Variants in ARMC9 observed in about 807,000 individuals in gnomAD.
The protein encoded by ARMC9 is armadillo repeat containing 9.
A neutral mutation model predicts 107.0 loss-of-function variants in ARMC9; 94 were observed. The ratio of observed to expected loss-of-function variants is 0.88; its 90% CI spans 0.74 to 1.04. The LOEUF (loss-of-function observed/expected upper bound fraction) is 1.04, where lower values mean the gene tolerates loss of function less well. ARMC9 is among the 50% of genes least tolerant of loss of function. The pLI is 0.00. For missense variants in ARMC9, 942 were observed against 1,030.1 expected, an observed-to-expected ratio of 0.91 and a Z score of 1.17; for synonymous variants, 380 against 396.9, an observed-to-expected ratio of 0.96 and a Z score of 0.51.
chr2:231,345,284 AAGG>A (rs1293188570), intron 21 of ARMC9, 194 bp downstream of exon 21: 1 of 1,068,752 alleles, frequency 9.4e-7, no homozygotes, highest in Non-Finnish European at 1.3e-6. Context: ...TTTATTCCAG[AAGG>A]AGAAGTGGTT....
intron 10 of ARMC9, among the ~76,000 whole-genome samples, chr2:231,258,472 C>T (rs989971650): frequency 1.3e-5 from 2 of 152,100 alleles, no homozygotes; most frequent in African/African-American, 2.4e-5. Flanking sequence ...TGAGCCACCA[C>T]GCCCGGCCCC....
chr2:231,291,462 T>A lies in ARMC9; in HGVS notation c.1717+19T>A, dbSNP rs1341310349. On this transcript the variant is annotated intron_variant, in intron 18 of 24. Coordinates refer to ENST00000611582, the MANE Select transcript of ARMC9 (RefSeq NM_001352754.2). Reference sequence around the variant, plus strand: ...AATTCCGGTCAGTTTGATGCAAGAATCTTTGATCTATCTTTTGAATTATTC... The same window carrying A: ...AATTCCGGTCAGTTTGATGCAAGAAACTTTGATCTATCTTTTGAATTATTC... 2 of 1,602,100 alleles carry A rather than the reference T, an allele frequency of 1.2e-6. No homozygotes were observed. The highest frequency in any genetic ancestry group is 1.7e-6 in the Non-Finnish European group (2 of 1,170,650).
chr2:231,367,851 C>T (rs373636974), intron 23 of ARMC9, among the ~76,000 whole-genome samples: 6 of 151,502 alleles, frequency 4.0e-5, no homozygotes, highest in African/African-American at 1.2e-4. Context: ...GGCGTGGTGG[C>T]GGGCGCCTGT....
At chr2:231,253,360 C>T (rs928597437) in intron 9 of ARMC9, among the ~76,000 whole-genome samples, 4 of 152,216 alleles carry the variant, frequency 2.6e-5, no homozygotes, top group South Asian at 4.1e-4. Flanking sequence ...AGTGATTTGC[C>T]TGCCTCGGCC....
At chr2:231,258,088 C>G (rs1213117204) in intron 10 of ARMC9, among the ~76,000 whole-genome samples, 1 of 152,146 alleles carries the variant, frequency 6.6e-6, no homozygotes, top group Non-Finnish European at 1.5e-5. Context: ...GCAAATTGTC[C>G]TACAACCCAT....
intron 1 of ARMC9, among the ~76,000 whole-genome samples, chr2:231,200,953 G>C (rs376752605): frequency 7.2e-5 from 11 of 152,130 alleles, no homozygotes; most frequent in African/African-American, 2.2e-4. Flanking sequence ...ATGTTTGCCT[G>C]GGGGGGCAGA....
chr2:231,276,737 C>T lies in ARMC9; in HGVS notation c.1436C>T (p.Ser479Leu), dbSNP rs1021689033. 2.2e-5 allele frequency: 36 copies of T among 1,614,044 alleles called. No homozygotes were observed. The highest frequency in any genetic ancestry group is 1.6e-4 in the Middle Eastern group (1 of 6,080). The change falls in exon 15 of 25, where the codon TCG becomes TTG. Residue 479 changes from serine to leucine, a missense_variant. Coordinates refer to ENST00000611582, the MANE Select transcript of ARMC9 (RefSeq NM_001352754.2). Reference protein sequence around the residue: ...DCLSDYTLEYSVALLMNLCLR... With the variant: ...DCLSDYTLEYLVALLMNLCLR... ...CTGTCTGACTACACGCTGGAGTACTCGGTGGCTTTGCTCATGAACCTCTGC... is the reference window on the plus strand; with the variant it reads ...CTGTCTGACTACACGCTGGAGTACTTGGTGGCTTTGCTCATGAACCTCTGC...
At chr2:231,224,705 G>A (rs1017682022) in intron 6 of ARMC9, among the ~76,000 whole-genome samples, 1 of 152,148 alleles carries the variant, frequency 6.6e-6, no homozygotes, top group Non-Finnish European at 1.5e-5. Flanking sequence ...GAAAATACTT[G>A]TAGTTCAGTT....
intron 19 of ARMC9, among the ~76,000 whole-genome samples, chr2:231,319,637 G>A (rs531654360): frequency 2.0e-4 from 31 of 152,172 alleles, no homozygotes; most frequent in African/African-American, 6.7e-4. Context: ...GTGGCTCATC[G>A]TTCTGGAAGT....
In ARMC9 at chr2:231,239,997, C is replaced by T. The variant is rs562097929; in HGVS notation, c.835C>T (p.Arg279Trp). The part of the protein sequence containing the change: ...VCVRLFSNQM[R>W]QSLAHSVDFT... ...TGTCCGCCTGTTCAGTAACCAGATG[C>T]GGCAGAGCCTGGCGCATAGTGTGGA... The change falls in exon 9 of 25, where the codon CGG (arginine) becomes TGG (tryptophan). Residue 279 changes from arginine (R) to tryptophan (W), a missense_variant. Coordinates refer to ENST00000611582, the MANE Select transcript of ARMC9 (RefSeq NM_001352754.2). The T allele has an allele frequency of 1.7e-5, 28 of 1,613,862 alleles. No individual in the cohort carries two copies. The highest frequency in any genetic ancestry group is 1.2e-4 in the Admixed American group (7 of 60,000).
rs772381170 is a variant in ARMC9, at chr2:231,348,736, GAA to G, written c.1994+3650_1994+3651del. Among the ~76,000 whole-genome samples, 12 of 152,212 alleles carry G rather than the reference GAA, an allele frequency of 7.9e-5. No homozygotes were observed. In the East Asian group the frequency reaches 1.9e-3, roughly 24 times the overall value. On this transcript the variant is annotated intron_variant, in intron 21 of 24. Coordinates refer to ENST00000611582, the MANE Select transcript of ARMC9 (RefSeq NM_001352754.2). ...AAAAGGAGCTCAAACAACTCTATAG[GAA>G]AAAGTCTAATAGTTGGATTTAAAAA...
At chr2:231,198,743 T>A (rs967275068) in intron 1 of ARMC9, 45 bp downstream of exon 1, 2 of 152,292 alleles carry the variant, frequency 1.3e-5, no homozygotes, top group Non-Finnish European at 2.9e-5. Flanking sequence ...CCGCCCGCCG[T>A]CCTGGTGCTG....
intron 14 of ARMC9, among the ~76,000 whole-genome samples, chr2:231,276,174 TTTG>T (rs1211984193): frequency 6.6e-6 from 1 of 152,204 alleles, no homozygotes; most frequent in African/African-American, 2.4e-5. Flanking sequence ...GTAAAGAATT[TTTG>T]TTATTTCAAT....
chr2:231,292,966 A>G (rs551211305), intron 18 of ARMC9, among the ~76,000 whole-genome samples: 1 of 152,286 alleles, frequency 6.6e-6, no homozygotes, highest in South Asian at 2.1e-4. Flanking sequence ...TCAAGCTCCC[A>G]GTTGGGGTCT....
Position 231,216,522 on chromosome 2 carries a change from A to G in ARMC9, c.349-116A>G, listed in dbSNP as rs931883639. ...AGAGACAATGCACCTGCCAGGTTAGATAGGGGATGCCAGCGACACGACTGG... is the reference window on the plus strand; with the variant it reads ...AGAGACAATGCACCTGCCAGGTTAGGTAGGGGATGCCAGCGACACGACTGG... On this transcript the variant is annotated intron_variant, in intron 4 of 24. Transcript: ENST00000611582. The G allele has an allele frequency of 8.5e-6, 10 of 1,181,820 alleles. No homozygotes were observed. In the African/African-American group the frequency reaches 1.4e-4, roughly 16 times the overall value. 73.2% of individuals were successfully genotyped at this position (1,181,820 alleles called of 1,614,324 possible).
chr2:231,256,631 G>C lies in ARMC9; in HGVS notation c.914+11G>C, dbSNP rs1403864314. The C allele has an allele frequency of 6.2e-7, 1 of 1,613,142 alleles. No individual in the cohort carries two copies. Among genetic ancestry groups the C allele is most frequent in the South Asian group, 1.1e-5 (1 of 91,060 alleles). On this transcript the variant is annotated intron_variant, in intron 10 of 24. Coordinates refer to ENST00000611582, the MANE Select transcript of ARMC9 (RefSeq NM_001352754.2). ...CTCCTTGGCACCCGTGTAAGTAACTGCTCTTAGGAATTTTTATTAAGGAGA... is the reference window on the plus strand; with the variant it reads ...CTCCTTGGCACCCGTGTAAGTAACTCCTCTTAGGAATTTTTATTAAGGAGA...
chr2:231,254,826 A>T (rs992355501), intron 9 of ARMC9, among the ~76,000 whole-genome samples: 1 of 152,072 alleles, frequency 6.6e-6, no homozygotes, highest in African/African-American at 2.4e-5. Flanking sequence ...GCATTTCACT[A>T]ATCTTGCTTG....
chr2:231,331,692 G>A (rs1197365914), intron 19 of ARMC9, 101 bp from the exon 20 acceptor site: 19 of 998,750 alleles, frequency 1.9e-5, no homozygotes, highest in East Asian at 1.6e-4. Context: ...GTGATTGGCC[G>A]AGGCCTTCTT....
At position 231,239,059 on chromosome 2, in the gene ARMC9, G is replaced by T. The variant is rs574378907; in HGVS notation, c.781-884G>T. On this transcript the variant is annotated intron_variant, in intron 8 of 24. Transcript: ENST00000611582. ...CCCCAGGTGGAATCATGAAGCTGCG[G>T]AAGAGGAGACTATTTTCAATTATCA... Among the ~76,000 whole-genome samples, 62 of 152,342 alleles carry T rather than the reference G, an allele frequency of 4.1e-4. No individual in the cohort carries two copies. The South Asian group carries it at 0.012, about 30-fold the overall frequency.
Sources: allele counts gnomAD v4.1 joint callset (sites outside exome capture counted in the v4.1 genomes callset), GRCh38; gene constraint gnomAD v4.1.1; transcripts MANE v1.5; gene names NCBI Gene and HGNC (gene_info 2026-07-23, HGNC 2026-07-21).